SATB1: variants seen among roughly 807,000 people sequenced by gnomAD.
SATB1 encodes SATB homeobox 1.
A neutral mutation model predicts 86.9 loss-of-function variants in SATB1; 11 were observed. That is an observed-to-expected ratio of 0.13 (90% CI 0.08 to 0.21). The LOEUF (loss-of-function observed/expected upper bound fraction) is 0.21. Ranked by LOEUF, SATB1 falls within the 10% of genes least tolerant of loss-of-function variation. The probability of loss-of-function intolerance (pLI) is 1.00; values close to 1 mark genes in which losing one functional copy is unlikely to be tolerated. For synonymous variants in SATB1, 357 were observed against 357.2 expected (o/e 1.00, Z 0.01); for missense variants, 551 against 937.6 (o/e 0.59, Z 5.39).
At chr3:18,428,142 G>A (rs946987255), upstream of SATB1, among the ~76,000 whole-genome samples, 12 of 152,110 alleles carry the variant, frequency 7.9e-5, no homozygotes, top group Non-Finnish European at 1.5e-4. Context: ...TTACACTGTG[G>A]AGGCTGAGAA....
intron 8 of SATB1, among the ~76,000 whole-genome samples, chr3:18,383,340 A>G (rs893391792): frequency 6.6e-6 from 1 of 152,196 alleles, no homozygotes. Context: ...GGTCCTTGTT[A>G]TGGTATGTCC....
At chr3:18,443,149 G>A (rs1699283806), upstream of SATB1, among the ~76,000 whole-genome samples, 1 of 152,176 alleles carries the variant, frequency 6.6e-6, no homozygotes, top group African/African-American at 2.4e-5. This position sits in a 1 kb window ranked among gnomAD's most constrained non-coding sequence, Gnocchi z 4.4. Context: ...AGTTTCAACG[G>A]GATGAGTTAC....
In SATB1 at chr3:18,347,005, A is replaced by AGTT. The variant is rs1694090882; in HGVS notation, c.*2162_*2164dup. The AGTT allele has an allele frequency of 6.6e-6, 1 of 152,192 alleles. No homozygotes were observed. Among genetic ancestry groups the AGTT allele is most frequent in the Admixed American group, 6.5e-5 (1 of 15,278 alleles). 9.4% of individuals were successfully genotyped at this position (152,192 alleles called of 1,614,324 possible). A position where few individuals can be genotyped will look rare whatever the true frequency, so the allele number is the denominator to read the frequency against. ...GTGGCAACTTTTCAGTACAATTTTA[A>AGTT]GTTTGCAACAAACCAGCTGCCTTCA... On this transcript the variant is annotated 3_prime_UTR_variant, in exon 11 of 11. Coordinates refer to ENST00000338745, the MANE Select transcript of SATB1 (RefSeq NM_002971.6).
chr3:18,411,177 A>G (rs548708622), intron 5 of SATB1: 1 of 329,404 alleles, frequency 3.0e-6, no homozygotes, highest in African/African-American at 2.1e-5. Context: ...CACCCACTTT[A>G]TATGACTTGG....
intron 10 of SATB1, chr3:18,350,872 T>C (rs939304865): frequency 8.1e-6 from 2 of 248,120 alleles, no homozygotes; most frequent in African/African-American, 2.3e-5. Context: ...CACACATATA[T>C]ATAATTTTTC....
At chr3:18,436,667 T>C (rs1369620540) in intron 2 of SATB1, 2 of 152,216 alleles carry the variant, frequency 1.3e-5, no homozygotes, top group Non-Finnish European at 2.9e-5. Context: ...ATCATTAATT[T>C]AGCAATTCTT....
At position 18,378,188 on chromosome 3, in the gene SATB1, A is replaced by G; in HGVS notation, c.1557T>C (p.Val519=). ...CTCTTACCTGGCTTTTGGTTGCTGC[A>G]ACCTTTGCAAACAGTGCTTGAGACA... ...AKVSQALFAK[V]AATKSQGWLC... The change falls in exon 9 of 11, where the codon GTT becomes GTC. Residue 519 remains valine, a synonymous_variant. Transcript: ENST00000338745. 1.9e-6 allele frequency: 3 copies of G among 1,585,404 alleles called. No individual in the cohort carries two copies. The highest frequency in any genetic ancestry group is 1.4e-5 in the African/African-American group (1 of 73,442).
intron 7 of SATB1, among the ~76,000 whole-genome samples, chr3:18,390,714 ATTCT>A (rs1379984462): frequency 6.6e-6 from 1 of 152,136 alleles, no homozygotes; most frequent in Non-Finnish European, 1.5e-5. Context: ...ATCCATCTTC[ATTCT>A]TTATTTTACT....
chr3:18,354,480 AT>A (rs1188651751), intron 9 of SATB1, among the ~76,000 whole-genome samples: 4 of 152,036 alleles, frequency 2.6e-5, no homozygotes, highest in Middle Eastern at 3.2e-3. Context: ...AACACAGAAG[AT>A]TTTTTTTAAA....
At chr3:18,395,286 G>A (rs542374969) in intron 6 of SATB1, among the ~76,000 whole-genome samples, 2 of 152,206 alleles carry the variant, frequency 1.3e-5, no homozygotes, top group African/African-American at 4.8e-5. Flanking sequence ...TTTGCTTAAT[G>A]ACAACTACAA....
chr3:18,417,148 G>A, intron 2 of SATB1, 70 bp from the exon 3 acceptor site: 1 of 1,474,486 alleles, frequency 6.8e-7, no homozygotes. Context: ...GGGGTGGCGG[G>A]AGGAAATATT....
At chr3:18,363,993 G>A (rs1695055467) in intron 9 of SATB1, among the ~76,000 whole-genome samples, 1 of 147,302 alleles carries the variant, frequency 6.8e-6, no homozygotes, top group African/African-American at 2.7e-5. Flanking sequence ...AAATGTCACT[G>A]CATCATTGTT....
chr3:18,394,405 G>T lies in SATB1; in HGVS notation c.1206+57C>A. On this transcript the variant is annotated intron_variant, in intron 7 of 10. Coordinates refer to ENST00000338745, the MANE Select transcript of SATB1 (RefSeq NM_002971.6). This position sits in a 1 kb window ranked among gnomAD's most constrained non-coding sequence, Gnocchi z 5.9. ...AAGAATAAACTTTAGTTATAGATGGGACTAAAGAAAGAGAAAATAGGAGAC... is the reference window on the plus strand; with the variant it reads ...AAGAATAAACTTTAGTTATAGATGGTACTAAAGAAAGAGAAAATAGGAGAC... 1 of 1,394,100 alleles carries T rather than the reference G, an allele frequency of 7.2e-7. No individual in the cohort carries two copies. The highest frequency in any genetic ancestry group is 1.2e-5 in the South Asian group (1 of 85,338). The allele number at this position is 1,394,100 out of a possible 1,614,324, so 86.4% of individuals were successfully genotyped here. A position where few individuals can be genotyped will look rare whatever the true frequency, so the allele number is the denominator to read the frequency against.
At chr3:18,395,778 A>C (rs1696934590) in intron 6 of SATB1, among the ~76,000 whole-genome samples, 1 of 152,200 alleles carries the variant, frequency 6.6e-6, no homozygotes, top group Admixed American at 6.5e-5. Flanking sequence ...ACCCAGGATG[A>C]ATGCTTCTTC....
intron 10 of SATB1, chr3:18,351,388 A>G (rs1364737679): frequency 6.4e-7 from 1 of 1,552,428 alleles, no homozygotes. Flanking sequence ...CTCCTTTCCC[A>G]AGGGTGGTGG....
rs1455644227 is a variant in SATB1, at chr3:18,400,685, G to A, written c.640-3395C>T. ...TAACATATTACATATAGACTGAAGA[G>A]ATATTAATTACTATGACAATCCTTT... is the stretch of plus-strand genomic sequence containing the variant. On this transcript the variant is annotated intron_variant, in intron 5 of 10. Coordinates refer to ENST00000338745, the MANE Select transcript of SATB1 (RefSeq NM_002971.6). 2.6e-5 allele frequency among the ~76,000 whole-genome samples: 4 copies of A among 152,122 alleles called. No individual in the cohort carries two copies. In the East Asian group the frequency reaches 5.8e-4, roughly 22 times the overall value.
At chr3:18,372,529 C>T (rs916720907) in intron 9 of SATB1, among the ~76,000 whole-genome samples, 3 of 152,040 alleles carry the variant, frequency 2.0e-5, no homozygotes, top group Admixed American at 6.6e-5. Flanking sequence ...CCTCTTGATA[C>T]GACTTTTTAG....
In SATB1 at chr3:18,348,993, G is replaced by A. The variant is rs1694205824; in HGVS notation, c.*177C>T. ...GCTGCCAAGCAGTTTGTAAAACAGA[G>A]GAAAACATTTAGTGCAGTCTGTATT... On this transcript the variant is annotated 3_prime_UTR_variant, in exon 11 of 11. Transcript: ENST00000338745. 1 of 1,077,004 alleles carries A rather than the reference G, an allele frequency of 9.3e-7. No individual in the cohort carries two copies. The highest frequency in any genetic ancestry group is 1.6e-5 in the African/African-American group (1 of 62,438). 66.7% of individuals were successfully genotyped at this position (1,077,004 alleles called of 1,614,324 possible).
At chr3:18,400,461 A>G (rs1697200804) in intron 5 of SATB1, among the ~76,000 whole-genome samples, 1 of 152,214 alleles carries the variant, frequency 6.6e-6, no homozygotes, top group South Asian at 2.1e-4. Flanking sequence ...GCTAAATGGG[A>G]ATGATAATAG....
Sources: gnomAD v4.1 joint callset for allele counts (sites outside exome capture counted in the v4.1 genomes callset) on GRCh38, gnomAD v4.1.1 for gene constraint, Gnocchi (gnomAD v3.1) non-coding constraint, MANE v1.5 for transcripts, NCBI Gene and HGNC (gene_info 2026-07-23, HGNC 2026-07-21) for gene names.